Variants in LPO observed in about 807,000 individuals in gnomAD.
LPO encodes salivary peroxidase.
LPO carries 70 observed loss-of-function variants against 68.4 expected under a neutral mutation model. The observed-to-expected ratio is 1.02, with a 90% CI of 0.84 to 1.25. LPO has a LOEUF of 1.25. LPO is among the 50% of genes most tolerant of loss of function. The pLI, the probability that LPO is intolerant of heterozygous loss-of-function variation, is 0.00. For synonymous variants in LPO, 360 were observed against 357.6 expected, an observed-to-expected ratio of 1.01 and a Z score of -0.08; for missense variants, 873 against 908.4, an observed-to-expected ratio of 0.96 and a Z score of 0.50.
chr17:58,255,067 G>T, intron 9 of LPO, 96 bp downstream of exon 9: 2 of 1,306,138 alleles, frequency 1.5e-6, no homozygotes, highest in East Asian at 2.4e-5. Flanking sequence ...TCTCTCCTCT[G>T]TTCCCACACC....
At chr17:58,248,035 G>A (rs542007877) in intron 4 of LPO, among the ~76,000 whole-genome samples, 29 of 151,836 alleles carry the variant, frequency 1.9e-4, no homozygotes, top group African/African-American at 6.8e-4. Flanking sequence ...ATGTGTCAGG[G>A]GGATTTACTT....
Position 58,250,549 on chromosome 17 carries a change from G to A in LPO, c.708G>A (p.Leu236=), listed in dbSNP as rs1404816118. 6.2e-7 allele frequency: 1 copy of A among 1,614,144 alleles called. No homozygotes were observed. The highest frequency in any genetic ancestry group is 1.1e-5 in the South Asian group (1 of 91,074). The change falls in exon 7 of 13, where the codon CTG becomes CTA. Residue 236 remains leucine (L), a synonymous_variant. Coordinates refer to ENST00000262290, the MANE Select transcript of LPO (RefSeq NM_006151.3). ...HDLDFAPDTE[L]GSSEYSKAQC... ...TGGACTTTGCCCCTGACACCGAGCT[G>A]GGGAGTAGCGAGTACTCCAAAGCCC...
chr17:58,249,842 G>T (rs1969925093), intron 6 of LPO, 147 bp downstream of exon 6: 1 of 1,241,538 alleles, frequency 8.1e-7, no homozygotes, highest in African/African-American at 1.6e-5. Context: ...CCTTCCGCTA[G>T]AGGGCAGCAG....
intron 8 of LPO, 59 bp from the exon 9 acceptor site, chr17:58,254,752 G>T: frequency 6.3e-7 from 1 of 1,579,052 alleles, no homozygotes; most frequent in Non-Finnish European, 8.6e-7. Context: ...TCTTTGTGCA[G>T]GTTACTGGGT....
intron 5 of LPO, 162 bp downstream of exon 5, chr17:58,249,339 C>T (rs939756230): frequency 1.1e-6 from 1 of 881,940 alleles, no homozygotes; most frequent in Non-Finnish European, 1.7e-6. Flanking sequence ...CGTCTCCAGC[C>T]CTCTCCCTCC....
intron 10 of LPO, among the ~76,000 whole-genome samples, 162 bp from the exon 11 acceptor site, chr17:58,265,991 T>C (rs1342076823): frequency 6.6e-6 from 1 of 152,102 alleles, no homozygotes; most frequent in Admixed American, 6.5e-5. Flanking sequence ...GAGCACACCC[T>C]TCAGGCTGCA....
rs764962680 is a variant in LPO, at chr17:58,267,406, T to A, written c.1751T>A (p.Leu584Ter). The part of the protein sequence containing the change: ...DLSQPQTLEE[L>*]NTVLKSKMLA... ...TCACAGCCGCAGACACTAGAGGAGT[T>A]GAACACAGTGCTGAAGAGCAAGATG... is the stretch of plus-strand genomic sequence containing the variant. Residue 584 changes from leucine (L) to a stop codon, truncating the protein, a stop_gained, in exon 12 of 13, where the codon TTG becomes TAG. Coordinates refer to ENST00000262290, the MANE Select transcript of LPO (RefSeq NM_006151.3). LOFTEE classifies it high-confidence loss of function. The A allele has an allele frequency of 6.2e-7, 1 of 1,614,214 alleles. No individual in the cohort carries two copies. The highest frequency in any genetic ancestry group is 1.3e-5 in the African/African-American group (1 of 75,042).
intron 11 of LPO, among the ~76,000 whole-genome samples, chr17:58,266,639 T>A (rs1006276194): frequency 6.6e-6 from 1 of 151,924 alleles, no homozygotes; most frequent in East Asian, 1.9e-4. Flanking sequence ...TTTTTTTAAA[T>A]ATAGACATAG....
intron 3 of LPO, 120 bp downstream of exon 3, chr17:58,244,201 C>A: frequency 1.3e-6 from 1 of 774,156 alleles, no homozygotes; most frequent in South Asian, 1.6e-5. Flanking sequence ...ATGAGGTGAA[C>A]AATGATAAAA....
At chr17:58,243,935 G>T in intron 2 of LPO, 59 bp from the exon 3 acceptor site, 1 of 1,107,998 alleles carries the variant, frequency 9.0e-7, no homozygotes, top group Non-Finnish European at 1.4e-6. Context: ...AAAAGCAGAA[G>T]ACATCGCAAA....
rs748908128 is a variant in LPO at position 58,249,020 on chromosome 17, G to C, written c.326-40G>C. The C allele has an allele frequency of 1.2e-5, 18 of 1,524,004 alleles. No homozygotes were observed. In the South Asian group the frequency reaches 1.8e-4, roughly 15 times the overall value. 94.4% of individuals were successfully genotyped at this position (1,524,004 alleles called of 1,614,324 possible). On this transcript the variant is annotated intron_variant, in intron 4 of 12. Transcript: ENST00000262290. ...TGCCTCCCACGGGTGCCTGTGAATG[G>C]AGAAAGAACTCAGTCCCTTTGGGGT... is the stretch of plus-strand genomic sequence containing the variant.
intron 9 of LPO, among the ~76,000 whole-genome samples, chr17:58,262,902 A>G (rs1232389022): frequency 6.6e-6 from 1 of 152,206 alleles, no homozygotes; most frequent in African/African-American, 2.4e-5. Flanking sequence ...GGCATTATTT[A>G]TTCAAATCCT....
rs1969905407 is a variant in LPO at position 58,249,075 on chromosome 17, T to G, written c.341T>G (p.Leu114Trp). ...LTNVTDPSLD[L>W]TSLSLEVGCG... ...TCTGTTTCAGATCCCAGCCTGGACT[T>G]GACTTCACTGTCTCTGGAGGTGGGC... Residue 114 changes from leucine to tryptophan, a missense_variant, in exon 5 of 13, where the codon TTG (leucine) becomes TGG (tryptophan). Leu to Trp is a moderately conservative substitution (Grantham distance 61). Transcript: ENST00000262290. 2 of 1,614,030 alleles carry G rather than the reference T, an allele frequency of 1.2e-6. No homozygotes were observed. Among genetic ancestry groups the G allele is most frequent in the Admixed American group, 3.3e-5 (2 of 60,012 alleles).
intron 7 of LPO, chr17:58,250,927 T>G (rs1969948364): frequency 7.9e-6 from 3 of 377,582 alleles, no homozygotes; most frequent in Non-Finnish European, 1.5e-5. Flanking sequence ...ATGGGAACAC[T>G]GGAGAAGGTT....
intron 9 of LPO, among the ~76,000 whole-genome samples, chr17:58,263,636 G>T (rs1187829175): frequency 6.6e-6 from 1 of 152,018 alleles, no homozygotes; most frequent in Non-Finnish European, 1.5e-5. Flanking sequence ...CTACTTGGGG[G>T]TGCTGAGGCA....
chr17:58,263,567 C>T (rs1970209338), intron 9 of LPO, among the ~76,000 whole-genome samples: 1 of 152,088 alleles, frequency 6.6e-6, no homozygotes, highest in African/African-American at 2.4e-5. Context: ...GGTGAAACCC[C>T]ATCTCTACTA....
At chr17:58,252,957 AG>A (rs1213679527) in intron 8 of LPO, among the ~76,000 whole-genome samples, 1 of 133,594 alleles carries the variant, frequency 7.5e-6, no homozygotes, top group African/African-American at 2.8e-5. Context: ...CAGGAGGCGG[AG>A]GTTGCAGTGA....
At chr17:58,244,112 C>A in intron 3 of LPO, 31 bp downstream of exon 3, 1 of 1,379,968 alleles carries the variant, frequency 7.2e-7, no homozygotes, top group Admixed American at 1.7e-5. Flanking sequence ...CACACACACA[C>A]ACACACACAC....
rs537600581 is a variant in LPO at position 58,239,684 on chromosome 17, T to C, written c.-3+945T>C. ...TCTCCTTGGTGACTGCTCAGCGACATTGAGAACCAAAGTCTGGAAGGCCTT... is the reference window on the plus strand; with the variant it reads ...TCTCCTTGGTGACTGCTCAGCGACACTGAGAACCAAAGTCTGGAAGGCCTT... On this transcript the variant is annotated intron_variant, in intron 1 of 12. Transcript: ENST00000262290. 2.0e-4 allele frequency among the ~76,000 whole-genome samples: 30 copies of C among 152,184 alleles called. No homozygotes were observed. The South Asian group carries it at 3.9e-3, about 20-fold the overall frequency.
Sources: allele counts gnomAD v4.1 joint callset (sites outside exome capture counted in the v4.1 genomes callset), GRCh38; gene constraint gnomAD v4.1.1; transcripts MANE v1.5; gene names NCBI Gene and HGNC (gene_info 2026-07-23, HGNC 2026-07-21).